The following TNR variants were observed in gnomAD, a reference collection of about 807,000 sequenced individuals.
TNR encodes tenascin-R.
In TNR, 45 loss-of-function variants were observed where a neutral mutation model predicts 150.4. The observed-to-expected ratio is 0.30, with a 90% confidence interval of 0.24 to 0.38. TNR has a LOEUF of 0.38. TNR is among the 10% of genes least tolerant of loss of function. TNR has a pLI of 1.00. For synonymous variants in TNR, 687 were observed against 678.4 expected, an observed-to-expected ratio of 1.01 and a Z score of -0.20; for missense variants, 1,544 against 1,759.1, an observed-to-expected ratio of 0.88 and a Z score of 2.19.
chr1:175,499,863 C>T (rs1368575451), intron 2 of TNR, among the ~76,000 whole-genome samples: 1 of 152,182 alleles, frequency 6.6e-6, no homozygotes, highest in Non-Finnish European at 1.5e-5. Flanking sequence ...AGTCAATCTA[C>T]TACGTAACTA....
At position 175,377,714 on chromosome 1, in the gene TNR, T is replaced by C. The variant is rs190817407; in HGVS notation, c.1963+1838A>G. Among the ~76,000 whole-genome samples, 5 of 152,290 alleles carry C rather than the reference T, an allele frequency of 3.3e-5. No homozygotes were observed. The East Asian group carries it at 9.6e-4, about 29-fold the overall frequency. The stretch of plus-strand genomic sequence containing the variant: ...TTTCAACTTGGGAGGAAAACTGCTT[T>C]GATTATACTGCCCTTGTTTACCGTA... On this transcript the variant is annotated intron_variant, in intron 9 of 22. Transcript: ENST00000367674.
intron 1 of TNR, among the ~76,000 whole-genome samples, chr1:175,678,049 C>T (rs1665916698): frequency 6.6e-6 from 1 of 151,944 alleles, no homozygotes; most frequent in Non-Finnish European, 1.5e-5. Context: ...TCCTAATGGG[C>T]ATCAATTATA....
At chr1:175,481,573 A>G (rs1657810843) in intron 2 of TNR, among the ~76,000 whole-genome samples, 1 of 152,116 alleles carries the variant, frequency 6.6e-6, no homozygotes, top group African/African-American at 2.4e-5. Flanking sequence ...AACACAGTAG[A>G]ATGAGACACA....
chr1:175,670,957 T>A (rs1287638108), intron 1 of TNR, among the ~76,000 whole-genome samples: 1 of 151,834 alleles, frequency 6.6e-6, no homozygotes, highest in Non-Finnish European at 1.5e-5. Flanking sequence ...GGGGGGTAGG[T>A]TGGAGGAAGA....
In TNR at chr1:175,367,228, G is replaced by T; in HGVS notation, c.2033C>A (p.Ala678Asp). The T allele has an allele frequency of 6.2e-7, 1 of 1,614,136 alleles. No homozygotes were observed. Among genetic ancestry groups the T allele is most frequent in the Non-Finnish European group, 8.5e-7 (1 of 1,179,988 alleles). The change falls in exon 10 of 23, where the codon GCC becomes GAC. Residue 678 changes from alanine to aspartate, a missense_variant. Ala to Asp is a moderately radical substitution (Grantham distance 126). This residue lies in a region of TNR where 1,254 missense variants were observed against 1,329.4 expected (regional missense o/e 0.94). Transcript: ENST00000367674. The stretch of plus-strand genomic sequence containing the variant: ...CTCACCAGTCCTGGCATTCATGGTG[G>T]CTGGCACGCTTTGCTGTGAGTTCAT... ...AVMNSQQSVP[A>D]TMNARTELDS...
At chr1:175,605,288 T>G (rs1176679742) in intron 1 of TNR, among the ~76,000 whole-genome samples, 4 of 152,226 alleles carry the variant, frequency 2.6e-5, no homozygotes, top group Admixed American at 2.6e-4. Context: ...AATTTTCTTA[T>G]CTGCAAAATG....
At chr1:175,490,178 A>G (rs2102138005) in intron 2 of TNR, among the ~76,000 whole-genome samples, 1 of 152,338 alleles carries the variant, frequency 6.6e-6, no homozygotes, top group South Asian at 2.1e-4. Flanking sequence ...CTTATGCAGA[A>G]AATTGTAACT....
chr1:175,603,306 A>G (rs1004539047), intron 1 of TNR, among the ~76,000 whole-genome samples: 4 of 152,252 alleles, frequency 2.6e-5, no homozygotes, highest in Non-Finnish European at 5.9e-5. Flanking sequence ...ATCCAACCTG[A>G]GAAATCAGTA....
At position 175,319,693 on chromosome 1, in the gene TNR, T is replaced by C. The variant is rs1648944341; in HGVS notation, c.*3664A>G. On this transcript the variant is annotated 3_prime_UTR_variant, in exon 23 of 23. Coordinates refer to ENST00000367674, the MANE Select transcript of TNR (RefSeq NM_003285.3). ...TATGTTGTTGTTGTTCTTTTACAAA[T>C]CAATCTCCCATACAAATCAGCTGGC... The C allele has an allele frequency of 6.6e-6, 1 of 152,326 alleles. No individual in the cohort carries two copies. The highest frequency in any genetic ancestry group is 2.4e-5 in the African/African-American group (1 of 41,464). 9.4% of individuals were successfully genotyped at this position (152,326 alleles called of 1,614,324 possible). A position where few individuals can be genotyped will look rare whatever the true frequency, so the allele number is the denominator to read the frequency against.
chr1:175,670,831 T>C (rs755906434), intron 1 of TNR, among the ~76,000 whole-genome samples: 29 of 152,194 alleles, frequency 1.9e-4, no homozygotes, highest in Non-Finnish European at 3.5e-4. Flanking sequence ...GCTTATACCC[T>C]GGACTAAAGA....
At position 175,410,259 on chromosome 1, in the gene TNR, C is replaced by T. The variant is rs1370054316; in HGVS notation, c.-63-3482G>A. Among the ~76,000 whole-genome samples the T allele has an allele frequency of 4.6e-5, 7 of 152,276 alleles. No individual in the cohort carries two copies. The East Asian group carries it at 1.4e-3, about 29-fold the overall frequency. ...ATAAGGTCAGAGAAGTAGTGGGGGC[C>T]AGGTCATGCCCAGCCTTGTAAACCC... On this transcript the variant is annotated intron_variant, in intron 2 of 22. Transcript: ENST00000367674.
chr1:175,626,772 C>A (rs1371182280), intron 1 of TNR, among the ~76,000 whole-genome samples: 1 of 152,168 alleles, frequency 6.6e-6, no homozygotes, highest in African/African-American at 2.4e-5. Flanking sequence ...GTGAATGTGA[C>A]CTTGTTTAGA....
chr1:175,453,431 A>G lies in TNR; in HGVS notation c.-63-46654T>C, dbSNP rs75148021. Among the ~76,000 whole-genome samples, 920 of 152,278 alleles carry G rather than the reference A, an allele frequency of 6.0e-3. 6 individuals carry two copies. The highest frequency in any genetic ancestry group is 0.02 in the African/African-American group (820 of 41,562). The stretch of plus-strand genomic sequence containing the variant: ...ACAGACTGCCAGGTACTAGATCACA[A>G]AGATGAGCCCGGAGAGGGGAGGGGA... On this transcript the variant is annotated intron_variant, in intron 2 of 22. Coordinates refer to ENST00000367674, the MANE Select transcript of TNR (RefSeq NM_003285.3).
intron 1 of TNR, among the ~76,000 whole-genome samples, chr1:175,734,128 G>A (rs1667713944): frequency 6.6e-6 from 1 of 152,122 alleles, no homozygotes; most frequent in Non-Finnish European, 1.5e-5. Flanking sequence ...AGGCCAAATA[G>A]GGCCTCCCCA....
At chr1:175,554,061 G>T (rs1317252258) in intron 1 of TNR, among the ~76,000 whole-genome samples, 2 of 152,132 alleles carry the variant, frequency 1.3e-5, no homozygotes, top group Non-Finnish European at 2.9e-5. Context: ...TTCCTTGCTG[G>T]TCAAACACCC....
chr1:175,483,838 T>C (rs1208830086), intron 2 of TNR, among the ~76,000 whole-genome samples: 1 of 152,168 alleles, frequency 6.6e-6, no homozygotes, highest in Non-Finnish European at 1.5e-5. Flanking sequence ...GCTAGCCTTT[T>C]GGTTTGTGTT....
intron 1 of TNR, among the ~76,000 whole-genome samples, chr1:175,687,453 C>T (rs1666236819): frequency 6.6e-6 from 1 of 152,122 alleles, no homozygotes; most frequent in South Asian, 2.1e-4. Flanking sequence ...TCTTTACACC[C>T]ACTGAAAGGA....
chr1:175,555,042 CT>C (rs1661096651), intron 1 of TNR, among the ~76,000 whole-genome samples: 1 of 152,156 alleles, frequency 6.6e-6, no homozygotes, highest in African/African-American at 2.4e-5. Flanking sequence ...AGTTAAGCAA[CT>C]TGTATAGATT....
At chr1:175,420,107 T>C (rs1033826184) in intron 2 of TNR, among the ~76,000 whole-genome samples, 5 of 152,060 alleles carry the variant, frequency 3.3e-5, no homozygotes, top group Admixed American at 1.3e-4. Flanking sequence ...TCTACACCAC[T>C]GAGCAGACTC....
Sources: allele counts gnomAD v4.1 joint callset (sites outside exome capture counted in the v4.1 genomes callset), GRCh38; gene constraint gnomAD v4.1.1; regional missense constraint gnomAD v4.1.1; transcripts MANE v1.5; gene names NCBI Gene and HGNC (gene_info 2026-07-23, HGNC 2026-07-21).